The following KCNIP1 variants were observed in gnomAD, a reference collection of about 807,000 sequenced individuals.
The protein encoded by KCNIP1 is potassium voltage-gated channel interacting protein 1.
A neutral mutation model predicts 33.0 loss-of-function variants in KCNIP1; 18 were observed. That is an observed-to-expected ratio of 0.55 (90% CI 0.38 to 0.81). The LOEUF is 0.81. Ranked by LOEUF, KCNIP1 falls within the 30% of genes least tolerant of loss-of-function variation. The pLI is 0.00. For synonymous variants in KCNIP1, 93 were observed against 98.3 expected (o/e 0.95, Z 0.32); for missense variants, 238 against 271.6 (o/e 0.88, Z 0.87).
At chr5:170,368,824 G>A (rs951068578) in intron 1 of KCNIP1, among the ~76,000 whole-genome samples, 2 of 152,174 alleles carry the variant, frequency 1.3e-5, no homozygotes, top group African/African-American at 4.8e-5. Context: ...CCCTAGTCCT[G>A]TGTCCCCGTG....
At chr5:170,675,081 G>A (rs1442384081) in intron 1 of KCNIP1, among the ~76,000 whole-genome samples, 2 of 151,832 alleles carry the variant, frequency 1.3e-5, no homozygotes, top group African/African-American at 4.8e-5. Flanking sequence ...CAGGAGGATC[G>A]CTTGAGCCCA....
chr5:170,623,656 C>G (rs4867995), intron 1 of KCNIP1, among the ~76,000 whole-genome samples: 72,308 of 151,938 alleles, frequency 0.48, 17,783 homozygotes, highest in East Asian at 0.68. Context: ...GTAAAGAAGT[C>G]TGGGACGAAA....
At chr5:170,575,603 T>G (rs1400610612) in intron 1 of KCNIP1, among the ~76,000 whole-genome samples, 1 of 152,218 alleles carries the variant, frequency 6.6e-6, no homozygotes, top group Admixed American at 6.5e-5. Context: ...TTGTGTGTGC[T>G]GATCTGTCCA....
At chr5:170,407,009 G>T (rs968357385) in intron 1 of KCNIP1, among the ~76,000 whole-genome samples, 1 of 152,194 alleles carries the variant, frequency 6.6e-6, no homozygotes, top group Admixed American at 6.5e-5. Flanking sequence ...TCTCTTGCTC[G>T]CAAGATACTC....
intron 1 of KCNIP1, among the ~76,000 whole-genome samples, chr5:170,410,503 CTTT>C (rs33956860): frequency 6.8e-6 from 1 of 147,802 alleles, no homozygotes; most frequent in African/African-American, 2.5e-5. Flanking sequence ...GGAAGGCTGG[CTTT>C]TTTTTTTTTC....
intron 5 of KCNIP1, 77 bp downstream of exon 5, chr5:170,722,897 G>A: frequency 1.1e-6 from 1 of 891,484 alleles, no homozygotes; most frequent in East Asian, 2.5e-5. Flanking sequence ...CCCCAGGCAT[G>A]AGGATAGCAC....
chr5:170,457,550 G>A (rs1395894221), intron 1 of KCNIP1, among the ~76,000 whole-genome samples: 1 of 152,196 alleles, frequency 6.6e-6, no homozygotes, highest in Non-Finnish European at 1.5e-5. Context: ...TACCAGCCTG[G>A]AACCTGGTAG....
intron 1 of KCNIP1, among the ~76,000 whole-genome samples, chr5:170,529,080 A>G (rs1755690427): frequency 6.6e-6 from 1 of 152,154 alleles, no homozygotes; most frequent in Admixed American, 6.5e-5. Flanking sequence ...AAGGAAGAAA[A>G]GGGGGGTTTA....
chr5:170,645,448 A>T (rs765683937), intron 1 of KCNIP1, among the ~76,000 whole-genome samples: 2 of 152,204 alleles, frequency 1.3e-5, no homozygotes, highest in Non-Finnish European at 1.5e-5. Context: ...TGTGCACCTA[A>T]CAACCGAGGG....
At chr5:170,553,020 T>C (rs1025809002) in intron 1 of KCNIP1, among the ~76,000 whole-genome samples, 1 of 152,132 alleles carries the variant, frequency 6.6e-6, no homozygotes, top group Admixed American at 6.5e-5. Context: ...AGGGAATTCC[T>C]CCCAAGGCTA....
intron 1 of KCNIP1, among the ~76,000 whole-genome samples, chr5:170,507,226 C>G (rs1754755436): frequency 6.6e-6 from 1 of 152,222 alleles, no homozygotes; most frequent in African/African-American, 2.4e-5. Flanking sequence ...AGTCTCCCTG[C>G]TGGGTTCAAA....
intron 1 of KCNIP1, among the ~76,000 whole-genome samples, chr5:170,521,172 C>T (rs992286426): frequency 6.6e-6 from 1 of 152,188 alleles, no homozygotes; most frequent in Non-Finnish European, 1.5e-5. Flanking sequence ...TGCTATCCCT[C>T]CCATATCCAT....
At chr5:170,593,608 G>A (rs1207789812) in intron 1 of KCNIP1, among the ~76,000 whole-genome samples, 1 of 152,218 alleles carries the variant, frequency 6.6e-6, no homozygotes, top group Non-Finnish European at 1.5e-5. Context: ...TGCTGAATTA[G>A]AAGTATTCAA....
intron 1 of KCNIP1, among the ~76,000 whole-genome samples, chr5:170,558,718 T>C (rs2113447111): frequency 6.6e-6 from 1 of 152,224 alleles, no homozygotes; most frequent in Non-Finnish European, 1.5e-5. Context: ...ACTTTAATGG[T>C]CCCCCGGTCT....
At chr5:170,667,115 C>T (rs1034639443) in intron 1 of KCNIP1, among the ~76,000 whole-genome samples, 4 of 152,054 alleles carry the variant, frequency 2.6e-5, no homozygotes, top group Admixed American at 1.3e-4. Flanking sequence ...AGTTTGAAAC[C>T]GGCCTGACCA....
chr5:170,534,098 A>G (rs1396860668), intron 1 of KCNIP1, among the ~76,000 whole-genome samples: 1 of 152,220 alleles, frequency 6.6e-6, no homozygotes, highest in Non-Finnish European at 1.5e-5. Context: ...GCGATTCACA[A>G]ACGGTATAGC....
chr5:170,380,960 C>T (rs1043035239), intron 1 of KCNIP1, among the ~76,000 whole-genome samples: 4 of 152,096 alleles, frequency 2.6e-5, no homozygotes, highest in Admixed American at 6.6e-5. Flanking sequence ...GCCCAGCACA[C>T]GATAAGAACT....
intron 1 of KCNIP1, among the ~76,000 whole-genome samples, chr5:170,681,821 T>G (rs79175624): frequency 0.024 from 3,680 of 152,184 alleles, 65 homozygotes; most frequent in Non-Finnish European, 0.032. Context: ...GTTGAAGGAG[T>G]TCAAGAAACA....
In KCNIP1 at chr5:170,504,336, C is replaced by T. The variant is rs1362941376; in HGVS notation, c.-237C>T. On this transcript the variant is annotated 5_prime_UTR_variant, in exon 1 of 8. Coordinates refer to ENST00000328939, the MANE Select transcript of KCNIP1 (RefSeq NM_014592.4). This position sits in a 1 kb window ranked among gnomAD's most constrained non-coding sequence, Gnocchi z 6.0. ...CGGGCCGGGTCCTCGCGCGGGGAAG[C>T]GGTTCCGAAGGCTCGCGGGGAGCGG... 7.3e-7 allele frequency: 1 copy of T among 1,376,544 alleles called. No individual in the cohort carries two copies. Among genetic ancestry groups the T allele is most frequent in the South Asian group, 1.7e-5 (1 of 58,892 alleles). 85.3% of individuals were successfully genotyped at this position (1,376,544 alleles called of 1,614,324 possible).
Sources: allele counts gnomAD v4.1 joint callset (sites outside exome capture counted in the v4.1 genomes callset), GRCh38; gene constraint gnomAD v4.1.1; non-coding constraint Gnocchi (gnomAD v3.1); transcripts MANE v1.5; gene names NCBI Gene and HGNC (gene_info 2026-07-23, HGNC 2026-07-21).